The following SEPTIN10 variants were observed in gnomAD, a reference collection of about 807,000 sequenced individuals.
The protein encoded by SEPTIN10 is septin-10.
Under a neutral mutation model 54.8 loss-of-function variants are expected in SEPTIN10, and 66 were observed. The observed-to-expected ratio is 1.21, with a 90% CI of 0.99 to 1.48. The LOEUF is 1.48. SEPTIN10 is among the 40% of genes most tolerant of loss of function. The pLI, the probability that SEPTIN10 is intolerant of heterozygous loss-of-function variation, is 0.00. For missense variants in SEPTIN10, 620 were observed against 545.6 expected, an observed-to-expected ratio of 1.14 and a Z score of -1.36; for synonymous variants, 161 against 181.0, an observed-to-expected ratio of 0.89 and a Z score of 0.89.
At chr2:109,570,527 GTT>G (rs34393876) in intron 5 of SEPTIN10, among the ~76,000 whole-genome samples, 4 of 147,268 alleles carry the variant, frequency 2.7e-5, no homozygotes, top group Middle Eastern at 7.0e-3. Flanking sequence ...ATTGTATCAG[GTT>G]TTTTTTTTTT....
chr2:109,562,117 G>C (rs1685793874), intron 8 of SEPTIN10, among the ~76,000 whole-genome samples: 1 of 152,030 alleles, frequency 6.6e-6, no homozygotes, highest in African/African-American at 2.4e-5. Flanking sequence ...GGAGGCTGAG[G>C]CATGAGAATC....
chr2:109,590,048 ATGTG>A (rs200827961), intron 2 of SEPTIN10, among the ~76,000 whole-genome samples: 17 of 144,050 alleles, frequency 1.2e-4, no homozygotes, highest in African/African-American at 2.4e-4. Flanking sequence ...ACACATATAT[ATGTG>A]TGTGTATATA....
intron 8 of SEPTIN10, among the ~76,000 whole-genome samples, chr2:109,562,796 A>C (rs1218718856): frequency 6.6e-6 from 1 of 152,204 alleles, no homozygotes; most frequent in African/African-American, 2.4e-5. Context: ...CGAGATGATT[A>C]ATCTTTAGTG....
chr2:109,612,546 C>T (rs1186713421), intron 1 of SEPTIN10, among the ~76,000 whole-genome samples: 1 of 152,030 alleles, frequency 6.6e-6, no homozygotes, highest in African/African-American at 2.4e-5. Flanking sequence ...CAGTTTAATT[C>T]GAAAATAAGT....
rs531592924 is a variant in SEPTIN10, at chr2:109,585,258, T to G, written c.281A>C (p.Tyr94Ser). ...DTLFNTNFED[Y>S]ESSHFCPNVK... ...ATTTGGGCAAAAATGTGAGGATTCA[T>G]AGTCTTCAAAATTAGTATTAAACAA... Residue 94 changes from tyrosine (Y) to serine (S), a missense_variant, in exon 4 of 11, where the codon TAT (tyrosine) becomes TCT (serine). Physicochemically the swap from Tyr to Ser is moderately radical, Grantham distance 144. Transcript: ENST00000397712. The G allele has an allele frequency of 2.5e-6, 4 of 1,613,114 alleles. No individual in the cohort carries two copies. The highest frequency in any genetic ancestry group is 3.4e-6 in the Non-Finnish European group (4 of 1,179,616).
intron 5 of SEPTIN10, 138 bp downstream of exon 5, chr2:109,574,443 T>TAAAAAAAAAAAAAAAAAAAAAATAA (rs1689122327): frequency 4.0e-6 from 1 of 252,296 alleles, no homozygotes; most frequent in Non-Finnish European, 6.2e-6. Context: ...ACTTTATCTC[T>TAAAAAAAAAAAAAAAAAAAAAATAA]AAAAAAAAAA....
chr2:109,607,439 T>C (rs1219359263), intron 1 of SEPTIN10, among the ~76,000 whole-genome samples: 1 of 152,124 alleles, frequency 6.6e-6, no homozygotes, highest in South Asian at 2.1e-4. Context: ...AGTACCTGTA[T>C]TATCTCTCCC....
intron 1 of SEPTIN10, among the ~76,000 whole-genome samples, chr2:109,598,649 C>T (rs1197230227): frequency 1.3e-5 from 2 of 151,890 alleles, no homozygotes; most frequent in Non-Finnish European, 2.9e-5. Flanking sequence ...TCAACACCAG[C>T]CTGGCCAACA....
chr2:109,569,180 G>A (rs1024882847), intron 5 of SEPTIN10, among the ~76,000 whole-genome samples: 2 of 152,120 alleles, frequency 1.3e-5, no homozygotes, highest in African/African-American at 4.8e-5. Context: ...TGTAATCCCA[G>A]CACTTTGAAA....
At chr2:109,553,280 C>CA in intron 8 of SEPTIN10, 61 bp from the exon 9 acceptor site, 1 of 1,575,222 alleles carries the variant, frequency 6.3e-7, no homozygotes, top group Non-Finnish European at 8.6e-7. Flanking sequence ...TATGGCGGCT[C>CA]ACGCCTGTAA....
intron 9 of SEPTIN10, among the ~76,000 whole-genome samples, chr2:109,547,082 G>A (rs893487569): frequency 1.3e-5 from 2 of 152,106 alleles, no homozygotes; most frequent in African/African-American, 2.4e-5. Flanking sequence ...GAGAACAAAG[G>A]TTAACCACCA....
At chr2:109,601,627 T>C (rs1696610237) in intron 1 of SEPTIN10, among the ~76,000 whole-genome samples, 1 of 152,232 alleles carries the variant, frequency 6.6e-6, no homozygotes, top group African/African-American at 2.4e-5. Flanking sequence ...ACTCTTTGCT[T>C]GTCATGTGTA....
chr2:109,546,751 CA>C (rs1189689583), intron 9 of SEPTIN10, among the ~76,000 whole-genome samples: 1 of 152,000 alleles, frequency 6.6e-6, no homozygotes, highest in Non-Finnish European at 1.5e-5. Context: ...TCTATTTTTC[CA>C]TAGTCTTTCA....
rs905153272 is a variant in SEPTIN10, at chr2:109,566,076, G to C, written c.763-217C>G. Among the ~76,000 whole-genome samples, 12 of 152,034 alleles carry C rather than the reference G, an allele frequency of 7.9e-5. No individual in the cohort carries two copies. In the South Asian group the frequency reaches 1.5e-3, roughly 18 times the overall value. On this transcript the variant is annotated intron_variant, in intron 6 of 10. Transcript: ENST00000397712. Reference sequence around the variant, plus strand: ...CATAAAGAAAAGTATTTACATGTAAGGCATTATGCTATTGGGAATACACAC... The same window carrying C: ...CATAAAGAAAAGTATTTACATGTAACGCATTATGCTATTGGGAATACACAC...
At chr2:109,571,926 G>A (rs2105366948) in intron 5 of SEPTIN10, among the ~76,000 whole-genome samples, 1 of 152,298 alleles carries the variant, frequency 6.6e-6, no homozygotes, top group African/African-American at 2.4e-5. Context: ...TGACTCAAAG[G>A]TGGTTGGGTT....
intron 5 of SEPTIN10, 140 bp downstream of exon 5, chr2:109,574,441 T>G (rs1229144560): frequency 2.1e-5 from 7 of 335,934 alleles, no homozygotes; most frequent in Non-Finnish European, 2.5e-5. Context: ...TGACTTTATC[T>G]CTAAAAAAAA....
chr2:109,579,448 A>G lies in SEPTIN10; in HGVS notation c.414-4681T>C, dbSNP rs956898299. Among the ~76,000 whole-genome samples the G allele has an allele frequency of 1.5e-4, 23 of 151,390 alleles. No homozygotes were observed. The Middle Eastern group carries it at 0.01, about 67-fold the overall frequency. On this transcript the variant is annotated intron_variant, in intron 4 of 10. Coordinates refer to ENST00000397712, the MANE Select transcript of SEPTIN10 (RefSeq NM_144710.5). ...GACCAGGCTTGAGTGTAATGGCCCA[A>G]TCTTGGCTCACTGCAAACTCTGCCT...
In SEPTIN10 at chr2:109,613,837, C is replaced by G. The variant is rs1699857657; in HGVS notation, c.-10G>C. Reference sequence around the variant, plus strand: ...CCTCGGAGGAGGCCATGGTCGCGGGCAGGGGCACGGTGAAGCGGCTGTATC... The same window carrying G: ...CCTCGGAGGAGGCCATGGTCGCGGGGAGGGGCACGGTGAAGCGGCTGTATC... On this transcript the variant is annotated 5_prime_UTR_variant, in exon 1 of 11. Coordinates refer to ENST00000397712, the MANE Select transcript of SEPTIN10 (RefSeq NM_144710.5). 1.6e-6 allele frequency: 2 copies of G among 1,237,214 alleles called. No homozygotes were observed. Among genetic ancestry groups the G allele is most frequent in the Non-Finnish European group, 2.0e-6 (2 of 991,884 alleles). 76.6% of individuals were successfully genotyped at this position (1,237,214 alleles called of 1,614,324 possible).
At chr2:109,553,038 T>G (rs776801852) in intron 9 of SEPTIN10, 49 bp downstream of exon 9, 5 of 1,586,896 alleles carry the variant, frequency 3.2e-6, no homozygotes, top group Admixed American at 1.8e-5. Context: ...TCCAAATTAA[T>G]AGGACATCTA....
Sources: gnomAD v4.1 joint callset for allele counts (sites outside exome capture counted in the v4.1 genomes callset) on GRCh38, gnomAD v4.1.1 for gene constraint, MANE v1.5 for transcripts, NCBI Gene and HGNC (gene_info 2026-07-23, HGNC 2026-07-21) for gene names.